FSTL5: variants seen among roughly 807,000 people sequenced by gnomAD.
The protein encoded by FSTL5 is follistatin-related protein 5.
In FSTL5, 62 loss-of-function variants were observed where a neutral mutation model predicts 89.1. That is an observed-to-expected ratio of 0.70 (90% CI 0.57 to 0.86). FSTL5 has a LOEUF of 0.86. Ranked by LOEUF, FSTL5 falls within the 40% of genes least tolerant of loss-of-function variation. The probability of loss-of-function intolerance (pLI) is 0.00; values close to 1 mark genes in which losing one functional copy is unlikely to be tolerated. For synonymous variants in FSTL5, 383 were observed against 346.2 expected (o/e 1.11, Z -1.18); for missense variants, 1,057 against 1,001.6 (o/e 1.06, Z -0.75).
At chr4:161,829,302 A>C (rs1241641362) in intron 4 of FSTL5, among the ~76,000 whole-genome samples, 1 of 151,032 alleles carries the variant, frequency 6.6e-6, no homozygotes, top group Non-Finnish European at 1.5e-5. Flanking sequence ...AAAAATAGGA[A>C]AATATTAAAC....
At chr4:162,031,455 G>C (rs1292631080) in intron 3 of FSTL5, among the ~76,000 whole-genome samples, 1 of 152,110 alleles carries the variant, frequency 6.6e-6, no homozygotes, top group Admixed American at 6.6e-5. Flanking sequence ...TAGCTTTCAT[G>C]GTTGAAAATG....
chr4:161,947,219 G>A (rs1734761168), intron 3 of FSTL5, among the ~76,000 whole-genome samples: 1 of 151,122 alleles, frequency 6.6e-6, no homozygotes, highest in Non-Finnish European at 1.5e-5. Flanking sequence ...CCTCAATAGA[G>A]CATTTTGATG....
At chr4:161,998,973 G>A (rs1277510859) in intron 3 of FSTL5, among the ~76,000 whole-genome samples, 1 of 151,852 alleles carries the variant, frequency 6.6e-6, no homozygotes, top group African/African-American at 2.4e-5. Context: ...ATGTGATGCT[G>A]GTTAGTTGTG....
At chr4:161,444,943 G>A (rs1220552757) in intron 15 of FSTL5, among the ~76,000 whole-genome samples, 1 of 151,914 alleles carries the variant, frequency 6.6e-6, no homozygotes, top group Non-Finnish European at 1.5e-5. Flanking sequence ...AGTTTTAAAT[G>A]AGACAGAGCA....
At chr4:161,952,882 T>G (rs1224733073) in intron 3 of FSTL5, among the ~76,000 whole-genome samples, 1 of 151,784 alleles carries the variant, frequency 6.6e-6, no homozygotes, top group Non-Finnish European at 1.5e-5. Context: ...ATTTTATTCT[T>G]AAAAACATAA....
At chr4:162,058,217 T>C (rs34742645) in intron 2 of FSTL5, among the ~76,000 whole-genome samples, 13,974 of 151,986 alleles carry the variant, frequency 0.092, 765 homozygotes, top group Non-Finnish European at 0.12. Context: ...TTCTTTGATA[T>C]CAGTGATGAG....
intron 6 of FSTL5, among the ~76,000 whole-genome samples, chr4:161,740,541 T>C (rs1277025346): frequency 6.6e-6 from 1 of 152,176 alleles, no homozygotes; most frequent in Non-Finnish European, 1.5e-5. Context: ...GAAAGAATAG[T>C]GAGAAGCATA....
At chr4:161,437,362 C>G (rs990187681) in intron 15 of FSTL5, among the ~76,000 whole-genome samples, 9 of 151,758 alleles carry the variant, frequency 5.9e-5, no homozygotes, top group Non-Finnish European at 1.3e-4. Flanking sequence ...GTCAGGAGAT[C>G]GAGACCATCC....
At chr4:161,527,856 T>G (rs1271070723) in intron 10 of FSTL5, among the ~76,000 whole-genome samples, 1 of 151,170 alleles carries the variant, frequency 6.6e-6, no homozygotes, top group African/African-American at 2.5e-5. Flanking sequence ...GTATGTTTGT[T>G]GCGGCACTAT....
At chr4:162,085,512 C>T (rs3943051) in intron 2 of FSTL5, among the ~76,000 whole-genome samples, 103,543 of 151,854 alleles carry the variant, frequency 0.68, 35,780 homozygotes, top group African/African-American at 0.78. Context: ...GTATTTCAAA[C>T]ATATGTGTGT....
At chr4:161,445,425 AT>A (rs571474864) in intron 15 of FSTL5, among the ~76,000 whole-genome samples, 273 of 152,048 alleles carry the variant, frequency 1.8e-3, no homozygotes, top group African/African-American at 6.4e-3. Context: ...TAAAAAATGA[AT>A]TTTTTAATCT....
chr4:161,637,586 T>C (rs1164628867), intron 7 of FSTL5, among the ~76,000 whole-genome samples: 3 of 146,004 alleles, frequency 2.1e-5, no homozygotes, highest in Admixed American at 6.9e-5. Context: ...CTAGGGTTTT[T>C]ATGGTTTTAG....
chr4:162,162,417 ACT>A (rs1005359781), intron 1 of FSTL5, among the ~76,000 whole-genome samples: 9 of 151,290 alleles, frequency 5.9e-5, no homozygotes, highest in Admixed American at 1.3e-4. Flanking sequence ...TGCAACCTAA[ACT>A]CTCTCTCTCT....
At chr4:162,016,322 T>G (rs1362310504) in intron 3 of FSTL5, among the ~76,000 whole-genome samples, 1 of 152,174 alleles carries the variant, frequency 6.6e-6, no homozygotes, top group Non-Finnish European at 1.5e-5. Context: ...AAAAATAGAC[T>G]GTGATAATCT....
chr4:161,779,787 AT>A (rs1741572162), intron 4 of FSTL5, among the ~76,000 whole-genome samples: 2 of 30,116 alleles, frequency 6.6e-5, no homozygotes, highest in African/African-American at 5.2e-4. Flanking sequence ...ATATATATAT[AT>A]ATATATATAT....
intron 4 of FSTL5, among the ~76,000 whole-genome samples, chr4:161,857,957 G>C (rs1731772610): frequency 6.6e-6 from 1 of 152,020 alleles, no homozygotes; most frequent in Admixed American, 6.6e-5. Flanking sequence ...AAGTTGTTCT[G>C]GGCAACAATT....
intron 4 of FSTL5, among the ~76,000 whole-genome samples, chr4:161,834,911 C>A (rs1281762617): frequency 7.3e-5 from 11 of 151,028 alleles, no homozygotes; most frequent in South Asian, 4.2e-4. Context: ...CCATCCCCAT[C>A]AAGCTACCAA....
At chr4:162,129,748 C>T (rs1732224850) in intron 1 of FSTL5, among the ~76,000 whole-genome samples, 1 of 152,180 alleles carries the variant, frequency 6.6e-6, no homozygotes, top group Non-Finnish European at 1.5e-5. Context: ...CAATTTTATT[C>T]TGTCTGTTTT....
intron 4 of FSTL5, among the ~76,000 whole-genome samples, chr4:161,792,068 G>A (rs1250258835): frequency 2.0e-5 from 3 of 152,144 alleles, no homozygotes; most frequent in Non-Finnish European, 4.4e-5. Context: ...GGTGGCCCAA[G>A]AAGTTCCTCC....
Sources: gnomAD v4.1 joint callset for allele counts (sites outside exome capture counted in the v4.1 genomes callset) on GRCh38, gnomAD v4.1.1 for gene constraint, MANE v1.5 for transcripts, NCBI Gene and HGNC (gene_info 2026-07-23, HGNC 2026-07-21) for gene names.